Variants in RABEP1 observed in about 807,000 individuals in gnomAD.
RABEP1 encodes the protein rabaptin, RAB GTPase binding effector protein 1, also known as rab GTPase-binding effector protein 1.
RABEP1 carries 51 observed loss-of-function variants against 123.4 expected under a neutral mutation model. The observed-to-expected ratio is 0.41, with a 90% confidence interval of 0.33 to 0.52. RABEP1 has a LOEUF of 0.52. Among genes scored for constraint, RABEP1 ranks in the 20% least tolerant of loss-of-function variants. RABEP1 has a pLI of 0.16. For synonymous variants in RABEP1, 347 were observed against 355.2 expected (o/e 0.98, Z 0.26); for missense variants, 888 against 996.3 (o/e 0.89, Z 1.46).
rs1476111137 is a variant in RABEP1, at chr17:5,385,342, C to T, written c.*2119C>T. 4.3e-6 allele frequency: 1 copy of T among 230,718 alleles called. No homozygotes were observed. Among genetic ancestry groups the T allele is most frequent in the African/African-American group, 2.2e-5 (1 of 45,212 alleles). The allele number at this position is 230,718 out of a possible 1,614,324, so 14.3% of individuals were successfully genotyped here. A position where few individuals can be genotyped will look rare whatever the true frequency, so the allele number is the denominator to read the frequency against. On this transcript the variant is annotated 3_prime_UTR_variant, in exon 18 of 18. Transcript: ENST00000537505. ...AGCTCAGTTGGGTTTCACGAGTGTT[C>T]CTGTGCTTATATTCAGTCTGTGCCT...
intron 14 of RABEP1, 68 bp downstream of exon 14, chr17:5,377,373 C>CA: frequency 7.9e-7 from 1 of 1,272,484 alleles, no homozygotes; most frequent in Non-Finnish European, 1.1e-6. Context: ...AGAAGCAATA[C>CA]ATGGCCATGG....
At chr17:5,376,759 C>T (rs927742087) in intron 13 of RABEP1, among the ~76,000 whole-genome samples, 1 of 152,168 alleles carries the variant, frequency 6.6e-6, no homozygotes, top group East Asian at 1.9e-4. Context: ...GTTTTGTCTT[C>T]ATTTCCTAAC....
Position 5,349,754 on chromosome 17 carries a change from G to C in RABEP1, c.785-697G>C, listed in dbSNP as rs567013159. Among the ~76,000 whole-genome samples, 3 of 152,046 alleles carry C rather than the reference G, an allele frequency of 2.0e-5. No homozygotes were observed. The East Asian group carries it at 5.8e-4, about 29-fold the overall frequency. ...CTTTTGTCAAATAAATTTGGGAAAG[G>C]CTATATTATATATTACCTTCCAAGA... On this transcript the variant is annotated intron_variant, in intron 6 of 17. Transcript: ENST00000537505.
chr17:5,335,355 A>C lies in RABEP1; in HGVS notation c.528+11A>C. Reference sequence around the variant, plus strand: ...AATGAAATGAAAAAGGTATGAAGGAATGTGTTCATTTGTAGAAATATTTGA... The same window carrying C: ...AATGAAATGAAAAAGGTATGAAGGACTGTGTTCATTTGTAGAAATATTTGA... On this transcript the variant is annotated intron_variant, in intron 4 of 17. Coordinates refer to ENST00000537505, the MANE Select transcript of RABEP1 (RefSeq NM_004703.6). The C allele has an allele frequency of 6.3e-7, 1 of 1,597,336 alleles. No individual in the cohort carries two copies. Among genetic ancestry groups the C allele is most frequent in the Non-Finnish European group, 8.6e-7 (1 of 1,167,732 alleles).
Position 5,386,202 on chromosome 17 carries a change from G to A in RABEP1, c.*2979G>A, listed in dbSNP as rs1367414556. ...GTTCAGGTGTGAGTCAGCTCCTGGT[G>A]GTGTCAGAAGTTTACATGATTGCGG... On this transcript the variant is annotated 3_prime_UTR_variant, in exon 18 of 18. Transcript: ENST00000537505. 31 of 1,611,012 alleles carry A rather than the reference G, an allele frequency of 1.9e-5. No homozygotes were observed. Among genetic ancestry groups the A allele is most frequent in the Non-Finnish European group, 2.4e-5 (28 of 1,177,962 alleles).
intron 1 of RABEP1, among the ~76,000 whole-genome samples, chr17:5,300,657 T>C (rs1299173662): frequency 2.0e-5 from 3 of 152,312 alleles, no homozygotes; most frequent in Non-Finnish European, 4.4e-5. Context: ...CTAACTCTTG[T>C]TAATTCCTTG....
intron 13 of RABEP1, among the ~76,000 whole-genome samples, chr17:5,374,884 C>T (rs1019990920): frequency 3.3e-5 from 5 of 152,136 alleles, no homozygotes; most frequent in Non-Finnish European, 5.9e-5. Flanking sequence ...CCTCGTGATC[C>T]GCCCGCCTTG....
intron 11 of RABEP1, 94 bp downstream of exon 11, chr17:5,365,332 G>C (rs1270410725): frequency 1.4e-5 from 12 of 843,210 alleles, no homozygotes; most frequent in Non-Finnish European, 1.8e-5. Context: ...TTTTTGCCTT[G>C]AAGATTTGGC....
At position 5,354,096 on chromosome 17, in the gene RABEP1, CCTTA is replaced by C. The variant is rs1908803972; in HGVS notation, c.964-259_964-256del. Among the ~76,000 whole-genome samples, 4 of 151,894 alleles carry C rather than the reference CCTTA, an allele frequency of 2.6e-5. No homozygotes were observed. The South Asian group carries it at 8.3e-4, about 32-fold the overall frequency. ...GGCGGTTTTGCTTTCTTTTATTTTG[CCTTA>C]CTTTATACAGTATACTTTTCTTGGA... is the stretch of plus-strand genomic sequence containing the variant. On this transcript the variant is annotated intron_variant, in intron 7 of 17. Coordinates refer to ENST00000537505, the MANE Select transcript of RABEP1 (RefSeq NM_004703.6).
intron 2 of RABEP1, among the ~76,000 whole-genome samples, chr17:5,328,825 C>T (rs1458870466): frequency 6.6e-6 from 1 of 151,486 alleles, no homozygotes; most frequent in Non-Finnish European, 1.5e-5. Flanking sequence ...GTGGCAGGCG[C>T]CTGTAATCTC....
chr17:5,331,589 G>A (rs1049339083), intron 2 of RABEP1, among the ~76,000 whole-genome samples: 85 of 152,176 alleles, frequency 5.6e-4, no homozygotes, highest in African/African-American at 2.0e-3. Context: ...GGAAGGTAAT[G>A]TACTAATTAG....
At chr17:5,336,499 G>A (rs546749338) in intron 4 of RABEP1, 37 of 472,586 alleles carry the variant, frequency 7.8e-5, no homozygotes, top group Non-Finnish European at 1.4e-4. Flanking sequence ...ATCCCATCCA[G>A]GATACCATAT....
chr17:5,297,210 G>GT (rs2144483937), intron 1 of RABEP1, among the ~76,000 whole-genome samples: 2 of 152,042 alleles, frequency 1.3e-5, no homozygotes, highest in East Asian at 3.9e-4. Context: ...AGAACCACTG[G>GT]TTTATGACAA....
chr17:5,327,903 C>T (rs1312911694), intron 2 of RABEP1, among the ~76,000 whole-genome samples: 1 of 151,980 alleles, frequency 6.6e-6, no homozygotes, highest in African/African-American at 2.4e-5. Flanking sequence ...ATGACATTGT[C>T]AAAATGGGAA....
intron 3 of RABEP1, among the ~76,000 whole-genome samples, chr17:5,333,541 A>T (rs1906765092): frequency 6.6e-6 from 1 of 152,086 alleles, no homozygotes; most frequent in South Asian, 2.1e-4. Context: ...TTTTTGCCTT[A>T]GTGCTCTTTA....
chr17:5,334,617 G>A (rs1202139284), intron 3 of RABEP1, among the ~76,000 whole-genome samples: 1 of 152,148 alleles, frequency 6.6e-6, no homozygotes, highest in Non-Finnish European at 1.5e-5. Context: ...CTGCCCGTCT[G>A]CCTCCCACAG....
Position 5,363,019 on chromosome 17 carries a change from G to A in RABEP1, c.1668+3G>A. On this transcript the variant is annotated splice_donor_region_variant and intron_variant, in intron 10 of 17. Transcript: ENST00000537505. ...AGGAGGCTGAAACGAGAGACCAGGT[G>A]AGTTTCTTCTGGATGCGCCAAATTG... is the stretch of plus-strand genomic sequence containing the variant. The A allele has an allele frequency of 6.2e-7, 1 of 1,605,764 alleles. No homozygotes were observed.
At chr17:5,367,342 G>A (rs1046102780) in intron 11 of RABEP1, among the ~76,000 whole-genome samples, 1 of 151,240 alleles carries the variant, frequency 6.6e-6, no homozygotes, top group Non-Finnish European at 1.5e-5. Flanking sequence ...CACGATCTTG[G>A]CTCACTGCAA....
At chr17:5,310,730 G>A (rs932791858) in intron 2 of RABEP1, among the ~76,000 whole-genome samples, 4 of 151,818 alleles carry the variant, frequency 2.6e-5, no homozygotes, top group East Asian at 1.9e-4. Flanking sequence ...TCCTCCTTGC[G>A]TTGGGTTTTC....
Sources: allele counts gnomAD v4.1 joint callset (sites outside exome capture counted in the v4.1 genomes callset), GRCh38; gene constraint gnomAD v4.1.1; transcripts MANE v1.5; gene names NCBI Gene and HGNC (gene_info 2026-07-23, HGNC 2026-07-21).